Variants in WFDC10B observed in about 807,000 individuals in gnomAD.
WFDC10B encodes protein WFDC10B.
WFDC10B carries 1 observed loss-of-function variant against 2.7 expected under a neutral mutation model. That is an observed-to-expected ratio of 0.38 (90% CI 0.13 to 1.79). WFDC10B has a LOEUF of 1.79. Among genes scored for constraint, WFDC10B ranks in the 40% most tolerant of loss-of-function variants. The pLI is 0.33. For synonymous variants in WFDC10B, 26 were observed against 32.2 expected (o/e 0.81, Z 0.65); for missense variants, 71 against 87.8 (o/e 0.81, Z 0.76).
intron 2 of WFDC10B, chr20:45,701,956 G>A (rs1162227659): frequency 4.9e-6 from 3 of 617,464 alleles, no homozygotes; most frequent in African/African-American, 3.7e-5. Flanking sequence ...GGGTGTGATT[G>A]GGAGGTGCTT....
At chr20:45,700,657 G>C (rs189333480) in intron 2 of WFDC10B, among the ~76,000 whole-genome samples, 2 of 152,192 alleles carry the variant, frequency 1.3e-5, no homozygotes, top group Admixed American at 1.3e-4. Flanking sequence ...TTTCTTGTTA[G>C]GAATGAAAGA....
chr20:45,704,324 T>C (rs1002843903), intron 2 of WFDC10B, 173 bp downstream of exon 2: 39 of 1,390,580 alleles, frequency 2.8e-5, no homozygotes, highest in Non-Finnish European at 3.7e-5. Context: ...GCCACCACCC[T>C]GGAACCATGC....
chr20:45,700,772 A>T (rs1984128768), intron 2 of WFDC10B, among the ~76,000 whole-genome samples: 1 of 152,326 alleles, frequency 6.6e-6, no homozygotes, highest in South Asian at 2.1e-4. Context: ...ATCAGACAAA[A>T]ATACACACTA....
intron 2 of WFDC10B, among the ~76,000 whole-genome samples, chr20:45,696,741 GAGAT>G (rs1206412969): frequency 9.9e-5 from 15 of 152,182 alleles, no homozygotes; most frequent in African/African-American, 2.6e-4. Flanking sequence ...AACAAATAAA[GAGAT>G]AGAATCAGTA....
intron 2 of WFDC10B, among the ~76,000 whole-genome samples, chr20:45,694,214 T>G (rs1015603139): frequency 6.6e-6 from 1 of 152,242 alleles, no homozygotes; most frequent in Non-Finnish European, 1.5e-5. Flanking sequence ...CCAATGCCTA[T>G]GTCCTGAATG....
chr20:45,688,596 T>C (rs372472739), intron 2 of WFDC10B, among the ~76,000 whole-genome samples: 1 of 152,298 alleles, frequency 6.6e-6, no homozygotes, highest in Middle Eastern at 3.4e-3. Context: ...TGGCCAGTGA[T>C]GGTGAGCATT....
intron 2 of WFDC10B, among the ~76,000 whole-genome samples, chr20:45,693,269 G>C (rs1279116840): frequency 6.6e-6 from 1 of 152,208 alleles, no homozygotes; most frequent in Non-Finnish European, 1.5e-5. Flanking sequence ...GGCTGCTCAG[G>C]AGTCAGGGGT....
chr20:45,695,337 G>A (rs1447904279), intron 2 of WFDC10B, among the ~76,000 whole-genome samples: 1 of 152,088 alleles, frequency 6.6e-6, no homozygotes, highest in Non-Finnish European at 1.5e-5. Flanking sequence ...TGTTGGTGTT[G>A]GAAAGCATTC....
chr20:45,697,379 A>ATTT (rs869059383), intron 2 of WFDC10B, among the ~76,000 whole-genome samples: 32,042 of 113,290 alleles, frequency 0.28, 5,114 homozygotes, highest in South Asian at 0.39. Context: ...ACATCCCATC[A>ATTT]TTTTTTTTTT....
At chr20:45,699,666 A>T (rs1322405381) in intron 2 of WFDC10B, among the ~76,000 whole-genome samples, 1 of 152,152 alleles carries the variant, frequency 6.6e-6, no homozygotes, top group African/African-American at 2.4e-5. Flanking sequence ...TAGCCAAACT[A>T]TATGTGCATT....
chr20:45,699,509 A>G (rs75803842), intron 2 of WFDC10B, among the ~76,000 whole-genome samples: 8,150 of 152,320 alleles, frequency 0.054, 306 homozygotes, highest in African/African-American at 0.1. Flanking sequence ...AACTACAGAA[A>G]TAACATTTCC....
intron 2 of WFDC10B, among the ~76,000 whole-genome samples, chr20:45,696,858 T>C (rs1403928312): frequency 6.6e-6 from 1 of 152,070 alleles, no homozygotes; most frequent in African/African-American, 2.4e-5. Flanking sequence ...TTAACACCAA[T>C]CCTTCTCAAA....
chr20:45,700,454 A>G (rs1984119051), intron 2 of WFDC10B, among the ~76,000 whole-genome samples: 1 of 152,218 alleles, frequency 6.6e-6, no homozygotes, highest in African/African-American at 2.4e-5. Flanking sequence ...AAATACCTTA[A>G]AAATAGCAAA....
intron 2 of WFDC10B, among the ~76,000 whole-genome samples, chr20:45,689,494 G>C (rs1983737886): frequency 6.6e-6 from 1 of 152,086 alleles, no homozygotes; most frequent in African/African-American, 2.4e-5. Context: ...TCTTCCATTT[G>C]TTTGTATCCT....
chr20:45,704,339 C>G, intron 2 of WFDC10B, 158 bp downstream of exon 2: 1 of 1,453,236 alleles, frequency 6.9e-7, no homozygotes, highest in Non-Finnish European at 9.3e-7. Context: ...CCATGCAAGG[C>G]AGATGAGGGT....
intron 2 of WFDC10B, among the ~76,000 whole-genome samples, chr20:45,702,905 A>G (rs1984225141): frequency 6.6e-6 from 1 of 152,176 alleles, no homozygotes; most frequent in South Asian, 2.1e-4. Context: ...TCTTCAGAAT[A>G]CTGGCGGCTC....
rs374555350 is a variant in WFDC10B, at chr20:45,684,794, A to G, written c.*36T>C. The stretch of plus-strand genomic sequence containing the variant: ...GGCACAGTCTCGGATGGAAGGGTTC[A>G]GGGAGCAGGATGCACATCCCAGCCC... On this transcript the variant is annotated 3_prime_UTR_variant, in exon 4 of 4. Coordinates refer to ENST00000330523, the MANE Select transcript of WFDC10B (RefSeq NM_172006.2). The G allele has an allele frequency of 6.8e-6, 11 of 1,608,976 alleles. No individual in the cohort carries two copies. The Admixed American group carries it at 8.4e-5, about 12-fold the overall frequency.
intron 2 of WFDC10B, among the ~76,000 whole-genome samples, chr20:45,688,884 C>T (rs1983716154): frequency 6.6e-6 from 1 of 151,916 alleles, no homozygotes; most frequent in Non-Finnish European, 1.5e-5. Context: ...GTTTCCATTG[C>T]TTTTGGTGTT....
chr20:45,690,354 T>G (rs1048111646), intron 2 of WFDC10B, among the ~76,000 whole-genome samples: 1 of 152,132 alleles, frequency 6.6e-6, no homozygotes, highest in Non-Finnish European at 1.5e-5. Flanking sequence ...GCTGGTCTCA[T>G]AAAATGAGTT....
Sources: gnomAD v4.1 joint callset for allele counts (sites outside exome capture counted in the v4.1 genomes callset) on GRCh38, gnomAD v4.1.1 for gene constraint, MANE v1.5 for transcripts, NCBI Gene and HGNC (gene_info 2026-07-23, HGNC 2026-07-21) for gene names.